The following GARNL3 variants were observed in gnomAD, a reference collection of about 807,000 sequenced individuals.
GARNL3 encodes the protein GTPase-activating Rap/Ran-GAP domain-like protein 3.
Under a neutral mutation model 125.0 loss-of-function variants are expected in GARNL3, and 63 were observed. The observed-to-expected ratio is 0.50, with a 90% CI of 0.41 to 0.62. The LOEUF (loss-of-function observed/expected upper bound fraction) is 0.62. GARNL3 is among the 20% of genes least tolerant of loss of function. GARNL3 has a pLI of 0.00. For synonymous variants in GARNL3, 439 were observed against 457.5 expected (o/e 0.96, Z 0.52); for missense variants, 994 against 1,244.0 (o/e 0.80, Z 3.02).
intron 2 of GARNL3, among the ~76,000 whole-genome samples, chr9:127,246,786 A>G (rs1451370917): frequency 6.6e-6 from 1 of 152,142 alleles, no homozygotes; most frequent in East Asian, 1.9e-4. Context: ...CAGCCTGGGC[A>G]ACAGAGTGAG....
rs562996946 is a variant in GARNL3, at chr9:127,288,339, ATGTGTC to A, written c.145-2828_145-2823del. ...CCTTCCAAGCCAGGAAGTCCCAAGC[ATGTGTC>A]CTTCGGTGAGAAGAAGTGGGGATGC... On this transcript the variant is annotated intron_variant, in intron 1 of 27. Coordinates refer to ENST00000373387, the MANE Select transcript of GARNL3 (RefSeq NM_032293.5). 4.6e-5 allele frequency among the ~76,000 whole-genome samples: 7 copies of A among 152,294 alleles called. No homozygotes were observed. In the South Asian group the frequency reaches 1.5e-3, roughly 32 times the overall value.
chr9:127,306,932 T>C (rs1245915196), intron 2 of GARNL3, among the ~76,000 whole-genome samples: 1 of 152,136 alleles, frequency 6.6e-6, no homozygotes, highest in Non-Finnish European at 1.5e-5. Context: ...CATTAAATAA[T>C]GAATCTAGCA....
chr9:127,335,868 A>G (rs116601664), intron 10 of GARNL3, among the ~76,000 whole-genome samples: 1,805 of 152,198 alleles, frequency 0.012, 45 homozygotes, highest in African/African-American at 0.042. Flanking sequence ...CATGGGATGT[A>G]CCAGGCTGGG....
At chr9:127,361,966 TATA>T (rs1259318770) in intron 21 of GARNL3, 3 of 151,468 alleles carry the variant, frequency 2.0e-5, no homozygotes, top group South Asian at 4.2e-4. Flanking sequence ...CTCCCATAAT[TATA>T]ATAATTGTGG....
chr9:127,243,038 TTCTCTG>T lies in GARNL3; in HGVS notation c.-28-35_-28-30del. On this transcript the variant is annotated intron_variant, in intron 1 of 10. Transcript: ENST00000439286. ...CAGGCCAGGGATTGGCCTGCCGTTC[TTCTCTG>T]TCTCTTAGTGCCTTTCCCAACTCTT... The T allele has an allele frequency of 8.4e-6, 11 of 1,312,868 alleles. No homozygotes were observed. In the South Asian group the frequency reaches 1.3e-4, roughly 16 times the overall value. 81.3% of individuals were successfully genotyped at this position (1,312,868 alleles called of 1,614,324 possible).
At chr9:127,313,283 T>C in intron 3 of GARNL3, 158 bp from the exon 4 acceptor site, 2 of 653,178 alleles carry the variant, frequency 3.1e-6, no homozygotes, top group Admixed American at 2.4e-5. Flanking sequence ...GAGGAATACA[T>C]GATCCCCCGA....
chr9:127,279,401 C>T (rs1317641887), intron 1 of GARNL3, among the ~76,000 whole-genome samples: 1 of 152,108 alleles, frequency 6.6e-6, no homozygotes, highest in African/African-American at 2.4e-5. Context: ...CTCTGTCCTC[C>T]ATGACTGTCT....
intron 6 of GARNL3, 49 bp from the exon 7 acceptor site, chr9:127,325,020 A>C (rs112876993): frequency 6.4e-7 from 1 of 1,571,604 alleles, no homozygotes; most frequent in South Asian, 1.1e-5. Flanking sequence ...GTCAAAATGA[A>C]ATAATTACTG....
At chr9:127,375,524 AT>A (rs1284156638) in intron 22 of GARNL3, among the ~76,000 whole-genome samples, 1 of 152,044 alleles carries the variant, frequency 6.6e-6, no homozygotes, top group African/African-American at 2.4e-5. Context: ...CCCCACAAAG[AT>A]TTGTATCCAA....
intron 1 of GARNL3, among the ~76,000 whole-genome samples, chr9:127,230,568 G>A (rs369257597): frequency 2.3e-4 from 35 of 150,906 alleles, no homozygotes; most frequent in African/African-American, 7.1e-4. Flanking sequence ...CAGGAGAATC[G>A]CATGAACCCA....
At chr9:127,366,171 G>C (rs931312305) in intron 22 of GARNL3, among the ~76,000 whole-genome samples, 1 of 152,228 alleles carries the variant, frequency 6.6e-6, no homozygotes, top group Non-Finnish European at 1.5e-5. Flanking sequence ...TGCTGGGTCA[G>C]ATGTTTTGAT....
chr9:127,339,542 CATGTGGGA>C, intron 12 of GARNL3, 95 bp from the exon 13 acceptor site: 1 of 790,648 alleles, frequency 1.3e-6, no homozygotes, highest in Non-Finnish European at 2.2e-6. Context: ...CCACCCATGG[CATGTGGGA>C]ATTCTGGGAG....
chr9:127,246,634 C>A (rs541849013), intron 2 of GARNL3, among the ~76,000 whole-genome samples: 3 of 152,048 alleles, frequency 2.0e-5, no homozygotes, highest in African/African-American at 7.2e-5. Flanking sequence ...GGTGAAACCC[C>A]GTCTCTACTA....
chr9:127,230,662 A>G (rs1588652934), intron 1 of GARNL3, among the ~76,000 whole-genome samples: 1 of 151,844 alleles, frequency 6.6e-6, no homozygotes, highest in Non-Finnish European at 1.5e-5. Flanking sequence ...TCACCAAAAA[A>G]AAAAAAAAAA....
chr9:127,328,008 A>G (rs1328025762), intron 7 of GARNL3, among the ~76,000 whole-genome samples: 14 of 152,188 alleles, frequency 9.2e-5, no homozygotes, highest in African/African-American at 3.4e-4. Context: ...GTGCATGCAC[A>G]TGCCTGTTGT....
intron 2 of GARNL3, among the ~76,000 whole-genome samples, chr9:127,254,900 G>C (rs1341648085): frequency 6.6e-6 from 1 of 151,998 alleles, no homozygotes; most frequent in East Asian, 1.9e-4. Flanking sequence ...AGAAAAAGAT[G>C]TTCAAGCTCT....
upstream of GARNL3, among the ~76,000 whole-genome samples, chr9:127,260,501 G>T (rs571621366): frequency 6.6e-6 from 1 of 152,268 alleles, no homozygotes; most frequent in Middle Eastern, 3.4e-3. Context: ...TTCTGGGTAG[G>T]CCTAAAACCA....
At chr9:127,341,189 C>T (rs1829842046) in intron 13 of GARNL3, among the ~76,000 whole-genome samples, 1 of 152,254 alleles carries the variant, frequency 6.6e-6, no homozygotes, top group Admixed American at 6.5e-5. Flanking sequence ...GCAGCAGACA[C>T]TGCAAACCAT....
At chr9:127,230,280 A>C (rs1172321136) in intron 1 of GARNL3, among the ~76,000 whole-genome samples, 1 of 152,234 alleles carries the variant, frequency 6.6e-6, no homozygotes, top group Non-Finnish European at 1.5e-5. Flanking sequence ...TATTGCTGTC[A>C]GCTTTAAATG....
Sources: gnomAD v4.1 joint callset for allele counts (sites outside exome capture counted in the v4.1 genomes callset) on GRCh38, gnomAD v4.1.1 for gene constraint, MANE v1.5 for transcripts, NCBI Gene and HGNC (gene_info 2026-07-23, HGNC 2026-07-21) for gene names.